The following RAB27A variants were observed in gnomAD, a reference collection of about 807,000 sequenced individuals.
The protein encoded by RAB27A is ras-related protein Rab-27A.
RAB27A carries 17 observed loss-of-function variants against 20.8 expected under a neutral mutation model. That is an observed-to-expected ratio of 0.82 (90% CI 0.56 to 1.23). The LOEUF is 1.23. Among genes scored for constraint, RAB27A ranks in the 50% most tolerant of loss-of-function variants. RAB27A has a pLI of 0.00. For missense variants in RAB27A, 277 were observed against 266.7 expected, an observed-to-expected ratio of 1.04 and a Z score of -0.27; for synonymous variants, 85 against 92.8, an observed-to-expected ratio of 0.92 and a Z score of 0.48.
At chr15:55,270,949 G>A (rs1897687795) in intron 1 of RAB27A, 1 of 152,160 alleles carries the variant, frequency 6.6e-6, no homozygotes, top group African/African-American at 2.4e-5. Flanking sequence ...GAAATCTGAT[G>A]GCTCTCATTA....
intron 2 of RAB27A, among the ~76,000 whole-genome samples, chr15:55,306,505 T>C (rs2054997476): frequency 6.6e-6 from 1 of 152,180 alleles, no homozygotes; most frequent in Non-Finnish European, 1.5e-5. Context: ...TTACGTGTTT[T>C]TCTCTTGCCT....
rs1398776434 is a variant in RAB27A at position 55,288,177 on chromosome 15, T to A, written c.-143+1539A>T. On this transcript the variant is annotated intron_variant, in intron 1 of 6. Transcript: ENST00000336787. Reference sequence around the variant, plus strand: ...AACATAAGTATAAATCTTCATGATCTTGAATTTGACAATGTTTTCTTAACT... The same window carrying A: ...AACATAAGTATAAATCTTCATGATCATGAATTTGACAATGTTTTCTTAACT... 3.9e-5 allele frequency among the ~76,000 whole-genome samples: 6 copies of A among 152,208 alleles called. No homozygotes were observed. The South Asian group carries it at 1.2e-3, about 32-fold the overall frequency.
chr15:55,297,775 T>C (rs536116358), intron 2 of RAB27A, among the ~76,000 whole-genome samples: 2 of 152,264 alleles, frequency 1.3e-5, no homozygotes, highest in Admixed American at 6.5e-5. Flanking sequence ...ACCCACAAAA[T>C]AGGAATCCAT....
chr15:55,240,012 C>A (rs780278129), intron 2 of RAB27A, among the ~76,000 whole-genome samples: 4 of 152,122 alleles, frequency 2.6e-5, no homozygotes, highest in African/African-American at 9.7e-5. Context: ...CAAGTCCATA[C>A]GTGGCTTTCT....
chr15:55,267,434 T>C (rs764071481), intron 2 of RAB27A, among the ~76,000 whole-genome samples: 2 of 152,168 alleles, frequency 1.3e-5, no homozygotes, highest in Non-Finnish European at 2.9e-5. Context: ...ATCTCATCCA[T>C]CACCCACTTC....
At position 55,261,709 on chromosome 15, in the gene RAB27A, CAAAAAAAAAAAAA is replaced by C. The variant is rs768256540; in HGVS notation, c.-23+8443_-23+8455del. ...TGAGCCGAGATCACTCACTGCATCT[CAAAAAAAAAAAAA>C]AAAAAAAAAAAAAGCATCTTTTTGA... On this transcript the variant is annotated intron_variant, in intron 2 of 6. Coordinates refer to ENST00000336787, the MANE Select transcript of RAB27A (RefSeq NM_183235.3). 1.6e-3 allele frequency among the ~76,000 whole-genome samples: 29 copies of C among 18,658 alleles called. No homozygotes were observed. In the Middle Eastern group the frequency reaches 0.094, roughly 60 times the overall value. The allele number at this position is 18,658 out of a possible 152,430, so 12.2% of individuals were successfully genotyped here. A position where few individuals can be genotyped will look rare whatever the true frequency, so the allele number is the denominator to read the frequency against.
upstream of RAB27A, among the ~76,000 whole-genome samples, chr15:55,294,589 G>GAAAAAAAAAAAAAAAA (rs1181179911): frequency 1.7e-4 from 5 of 29,182 alleles, no homozygotes; most frequent in South Asian, 1.7e-3. Flanking sequence ...CCCTGTCTCC[G>GAAAAAAAAAAAAAAAA]AAAAAAAAAA....
chr15:55,275,823 T>G (rs1465698328), intron 1 of RAB27A, among the ~76,000 whole-genome samples: 1 of 145,358 alleles, frequency 6.9e-6, no homozygotes, highest in African/African-American at 2.6e-5. Flanking sequence ...GGTCAACAAG[T>G]ATATGAAAAA....
At position 55,257,406 on chromosome 15, in the gene RAB27A, T is replaced by C. The variant is rs750702038; in HGVS notation, c.-23+12759A>G. Among the ~76,000 whole-genome samples, 42 of 152,216 alleles carry C rather than the reference T, an allele frequency of 2.8e-4. 1 individual carries two copies. The highest frequency in any genetic ancestry group is 1.6e-3 in the Admixed American group (25 of 15,284). On this transcript the variant is annotated intron_variant, in intron 2 of 6. Coordinates refer to ENST00000336787, the MANE Select transcript of RAB27A (RefSeq NM_183235.3). ...AGCCACAGAAGAGGGAACATGCTGT[T>C]AGTTCAGGATGAACAAGACCAAGGA...
chr15:55,231,923 T>C (rs967632261), intron 3 of RAB27A, among the ~76,000 whole-genome samples: 4 of 151,938 alleles, frequency 2.6e-5, no homozygotes, highest in African/African-American at 9.7e-5. Context: ...AAAAAAAAAT[T>C]TAAAGAAAAA....
Position 55,209,883 on chromosome 15 carries a change from T to TATATAC in RAB27A, c.468-4179_468-4178insGTATAT, listed in dbSNP as rs1566896326. On this transcript the variant is annotated intron_variant, in intron 6 of 6. Coordinates refer to ENST00000336787, the MANE Select transcript of RAB27A (RefSeq NM_183235.3). ...ATATACATATATACATATATGTGTGTGTATACATATATACACATATGTGTG... is the reference window on the plus strand; with the variant it reads ...ATATACATATATACATATATGTGTGTATATACGTATACATATATACACATATGTGTG... Among the ~76,000 whole-genome samples, 201 of 118,114 alleles carry TATATAC rather than the reference T, an allele frequency of 1.7e-3. 23 individuals are homozygous for TATATAC. Among genetic ancestry groups the TATATAC allele is most frequent in the African/African-American group, 7.7e-3 (169 of 21,952 alleles). 77.5% of individuals were successfully genotyped at this position (118,114 alleles called of 152,430 possible). A position where few individuals can be genotyped will look rare whatever the true frequency, so the allele number is the denominator to read the frequency against.
At chr15:55,219,973 A>C (rs982393801) in intron 6 of RAB27A, among the ~76,000 whole-genome samples, 4 of 152,152 alleles carry the variant, frequency 2.6e-5, no homozygotes, top group South Asian at 2.1e-4. Flanking sequence ...AAAAAAAAAA[A>C]CATGGAAAAT....
chr15:55,284,130 G>A (rs1898088417), intron 1 of RAB27A, among the ~76,000 whole-genome samples: 1 of 152,188 alleles, frequency 6.6e-6, no homozygotes, highest in African/African-American at 2.4e-5. Flanking sequence ...TCAAATAGCA[G>A]TTAGAGAAAG....
rs1290977685 is a variant in RAB27A, at chr15:55,289,782, G to C, written c.-209C>G. Reference sequence around the variant, plus strand: ...TCGCGCGCCGCGTCCACCCGCCGCCGGCCTTTTTTGGGTCGTTGGCGGGTA... The same window carrying C: ...TCGCGCGCCGCGTCCACCCGCCGCCCGCCTTTTTTGGGTCGTTGGCGGGTA... On this transcript the variant is annotated 5_prime_UTR_variant, in exon 1 of 7. Coordinates refer to ENST00000336787, the MANE Select transcript of RAB27A (RefSeq NM_183235.3). 1 of 152,980 alleles carries C rather than the reference G, an allele frequency of 6.5e-6. No homozygotes were observed. The allele number at this position is 152,980 out of a possible 1,614,324, so 9.5% of individuals were successfully genotyped here.
intron 2 of RAB27A, among the ~76,000 whole-genome samples, chr15:55,241,552 C>T (rs545503975): frequency 1.3e-5 from 2 of 148,496 alleles, no homozygotes; most frequent in South Asian, 2.1e-4. Flanking sequence ...AGAAGGATGG[C>T]TTGACGTCAG....
At chr15:55,295,931 C>G (rs1403801626) in intron 2 of RAB27A, among the ~76,000 whole-genome samples, 1 of 145,170 alleles carries the variant, frequency 6.9e-6, no homozygotes, top group African/African-American at 2.6e-5. Flanking sequence ...GAGTTTCACT[C>G]TTTCACCCAG....
rs1277064671 is a variant in RAB27A at position 55,212,742 on chromosome 15, G to C, written c.468-7037C>G. Among the ~76,000 whole-genome samples the C allele has an allele frequency of 2.6e-5, 4 of 152,176 alleles. No homozygotes were observed. In the East Asian group the frequency reaches 7.7e-4, roughly 29 times the overall value. ...GACGGTGTTTCACCATGTTAGACAG[G>C]ATGGTCTCGATCTCCTGACCTCGTG... On this transcript the variant is annotated intron_variant, in intron 6 of 6. Coordinates refer to ENST00000336787, the MANE Select transcript of RAB27A (RefSeq NM_183235.3).
At chr15:55,211,409 G>A (rs1895020164) in intron 6 of RAB27A, among the ~76,000 whole-genome samples, 1 of 151,828 alleles carries the variant, frequency 6.6e-6, no homozygotes, top group Admixed American at 6.6e-5. Context: ...TTCCATTTTT[G>A]GTGTCCTCTT....
At chr15:55,317,872 A>G in intron 1 of RAB27A, 1 of 393,482 alleles carries the variant, frequency 2.5e-6, no homozygotes. Context: ...TCAAATCTGC[A>G]TACAAAAATG....
Sources: allele counts gnomAD v4.1 joint callset (sites outside exome capture counted in the v4.1 genomes callset), GRCh38; gene constraint gnomAD v4.1.1; transcripts MANE v1.5; gene names NCBI Gene and HGNC (gene_info 2026-07-23, HGNC 2026-07-21).